ITPKB: variants seen among roughly 807,000 people sequenced by gnomAD.
ITPKB encodes inositol-trisphosphate 3-kinase B.
Under a neutral mutation model 69.4 loss-of-function variants are expected in ITPKB, and 13 were observed. The observed-to-expected ratio is 0.19, with a 90% CI of 0.12 to 0.30. The LOEUF is 0.30. ITPKB is among the 10% of genes least tolerant of loss of function. The probability of loss-of-function intolerance (pLI) is 1.00; values close to 1 mark genes in which losing one functional copy is unlikely to be tolerated. For missense variants in ITPKB, 1,240 were observed against 1,250.5 expected (o/e 0.99, Z 0.13); for synonymous variants, 584 against 513.7 (o/e 1.14, Z -1.85).
At chr1:226,655,332 G>A (rs1250380670) in intron 2 of ITPKB, among the ~76,000 whole-genome samples, 5 of 152,240 alleles carry the variant, frequency 3.3e-5, no homozygotes, top group Admixed American at 1.3e-4. Flanking sequence ...CTCATGCCCT[G>A]TGACTGCTCA....
intron 2 of ITPKB, among the ~76,000 whole-genome samples, chr1:226,655,240 T>C (rs1344724313): frequency 1.3e-5 from 2 of 152,080 alleles, no homozygotes; most frequent in Non-Finnish European, 2.9e-5. Flanking sequence ...ACATGCAAAA[T>C]GAAAATGAGG....
chr1:226,656,133 G>A (rs1230039841), intron 2 of ITPKB, among the ~76,000 whole-genome samples: 1 of 152,192 alleles, frequency 6.6e-6, no homozygotes. Flanking sequence ...CTCTTCCCAG[G>A]AAGCCTTCCA....
chr1:226,698,589 G>A (rs1318188894), intron 2 of ITPKB, among the ~76,000 whole-genome samples: 1 of 152,236 alleles, frequency 6.6e-6, no homozygotes, highest in African/African-American at 2.4e-5. Context: ...ATCAGAGGCT[G>A]GAGAAAAATG....
chr1:226,680,420 C>T (rs780176368), intron 2 of ITPKB, among the ~76,000 whole-genome samples: 3 of 152,200 alleles, frequency 2.0e-5, no homozygotes, highest in Non-Finnish European at 4.4e-5. Context: ...GCAGGAGGCA[C>T]AGAAATGTGT....
rs374357030 is a variant in ITPKB, at chr1:226,665,230, T to G, written c.1933-16459A>C. Among the ~76,000 whole-genome samples the G allele has an allele frequency of 2.0e-5, 3 of 152,314 alleles. No homozygotes were observed. The South Asian group carries it at 6.2e-4, about 32-fold the overall frequency. Reference sequence around the variant, plus strand: ...CTCTTCCCCTGTCACTGGGTCCCGCTGACACAGGTCACCTGCCCGGCCCCT... The same window carrying G: ...CTCTTCCCCTGTCACTGGGTCCCGCGGACACAGGTCACCTGCCCGGCCCCT... On this transcript the variant is annotated intron_variant, in intron 2 of 7. Coordinates refer to ENST00000429204, the MANE Select transcript of ITPKB (RefSeq NM_002221.4).
intron 2 of ITPKB, among the ~76,000 whole-genome samples, chr1:226,715,135 T>A (rs905165373): frequency 2.0e-5 from 3 of 152,246 alleles, no homozygotes; most frequent in African/African-American, 7.2e-5. Context: ...AATAAAAGCA[T>A]AATAGGTATT....
rs1033086959 is a variant in ITPKB, at chr1:226,649,016, C to G, written c.1933-245G>C. ...CTCCCCTGTCCCAAGAGCAACGACC[C>G]CTCCAAGGAAGGCTGGAGAGGACAC... On this transcript the variant is annotated intron_variant, in intron 2 of 7. Transcript: ENST00000429204. Among the ~76,000 whole-genome samples, 98 of 152,320 alleles carry G rather than the reference C, an allele frequency of 6.4e-4. 2 individuals are homozygous for G. The highest frequency in any genetic ancestry group is 4.1e-4 in the South Asian group (2 of 4,830).
chr1:226,633,277 C>T lies in ITPKB; in HGVS notation c.*1394G>A, dbSNP rs189700932. The T allele has an allele frequency of 2.0e-5, 3 of 152,386 alleles. No homozygotes were observed. Among genetic ancestry groups the T allele is most frequent in the East Asian group, 1.9e-4 (1 of 5,184 alleles). 9.4% of individuals were successfully genotyped at this position (152,386 alleles called of 1,614,324 possible). On this transcript the variant is annotated 3_prime_UTR_variant, in exon 8 of 8. Coordinates refer to ENST00000429204, the MANE Select transcript of ITPKB (RefSeq NM_002221.4). ...GCAGTGGTTCCTCCAGACACACACA[C>T]CTTGGTCCATAGTCTCCCTCTGTGT...
At chr1:226,711,442 AGTGTGTGTGT>A (rs57531406) in intron 2 of ITPKB, among the ~76,000 whole-genome samples, 27 of 102,356 alleles carry the variant, frequency 2.6e-4, no homozygotes, top group Admixed American at 5.8e-4. Flanking sequence ...AGAGAGAGAG[AGTGTGTGTGT>A]GTGTGTGTGT....
chr1:226,736,731 G>A lies in ITPKB; in HGVS notation c.728C>T (p.Pro243Leu). The change falls in exon 2 of 8, where the codon CCT becomes CTT. Residue 243 changes from proline (P) to leucine (L), a missense_variant. Around this residue, in one of 2 missense-constraint regions of ITPKB, gnomAD observed 992 missense variants for 853.8 expected, o/e 1.16. Transcript: ENST00000429204. The part of the protein sequence containing the change: ...GMPPLPGRAA[P>L]TGSEAQGPSA... ...TGGACCCTGAGCCTCTGATCCTGTA[G>A]GGGCAGCCCGGCCGGGAAGAGGTGG... 1 of 1,612,786 alleles carries A rather than the reference G, an allele frequency of 6.2e-7. No individual in the cohort carries two copies. Among genetic ancestry groups the A allele is most frequent in the African/African-American group, 1.3e-5 (1 of 75,060 alleles).
intron 2 of ITPKB, among the ~76,000 whole-genome samples, chr1:226,701,598 C>T (rs994282706): frequency 2.7e-5 from 3 of 112,534 alleles, no homozygotes; most frequent in African/African-American, 1.1e-4. Flanking sequence ...AGTGAGACTC[C>T]GTCTCAAAAA....
chr1:226,650,728 G>T (rs749870260), intron 2 of ITPKB, among the ~76,000 whole-genome samples: 1 of 152,240 alleles, frequency 6.6e-6, no homozygotes, highest in Non-Finnish European at 1.5e-5. Context: ...TGTGGGAGGA[G>T]GGGAGCCCAG....
Position 226,713,644 on chromosome 1 carries a change from G to A in ITPKB, c.1932+21883C>T, listed in dbSNP as rs574214398. ...AAAATCATCCAGAATGTTCTCAGTCGCTACTGTTGGCATCTCTTCGCTCTC... is the reference window on the plus strand; with the variant it reads ...AAAATCATCCAGAATGTTCTCAGTCACTACTGTTGGCATCTCTTCGCTCTC... On this transcript the variant is annotated intron_variant, in intron 2 of 7. Coordinates refer to ENST00000429204, the MANE Select transcript of ITPKB (RefSeq NM_002221.4). 2.6e-5 allele frequency among the ~76,000 whole-genome samples: 4 copies of A among 152,290 alleles called. 1 individual carries two copies. The highest frequency in any genetic ancestry group is 6.8e-3 in the Middle Eastern group (2 of 294).
At chr1:226,639,509 C>T in intron 6 of ITPKB, 48 bp downstream of exon 6, 6 of 1,247,042 alleles carry the variant, frequency 4.8e-6, no homozygotes, top group Non-Finnish European at 7.1e-6. Flanking sequence ...ACACAGTTGT[C>T]CCTCCCTGGC....
chr1:226,726,600 G>A (rs1329682830), intron 2 of ITPKB, among the ~76,000 whole-genome samples: 1 of 152,100 alleles, frequency 6.6e-6, no homozygotes, highest in Non-Finnish European at 1.5e-5. Flanking sequence ...CTCTTGAGCT[G>A]GAGAGATCGA....
intron 4 of ITPKB, among the ~76,000 whole-genome samples, chr1:226,643,321 G>A (rs1285272861): frequency 6.6e-6 from 1 of 152,102 alleles, no homozygotes; most frequent in Admixed American, 6.5e-5. Context: ...TCCCACCCCC[G>A]CTCCTCTGCT....
chr1:226,649,667 ATTT>A (rs1185904002), intron 2 of ITPKB, among the ~76,000 whole-genome samples: 1 of 147,302 alleles, frequency 6.8e-6, no homozygotes, highest in Non-Finnish European at 1.5e-5. Context: ...TGAGCATCTT[ATTT>A]TATTTTCTCA....
intron 2 of ITPKB, among the ~76,000 whole-genome samples, chr1:226,706,520 G>A (rs1057276585): frequency 6.6e-6 from 1 of 152,170 alleles, no homozygotes; most frequent in Non-Finnish European, 1.5e-5. Flanking sequence ...CATGGCCTGT[G>A]AAATGTGCCT....
At chr1:226,714,750 C>T (rs2102639586) in intron 2 of ITPKB, among the ~76,000 whole-genome samples, 1 of 152,354 alleles carries the variant, frequency 6.6e-6, no homozygotes, top group East Asian at 1.9e-4. Flanking sequence ...CTGCTGTCAG[C>T]AGGAATTGGG....
Sources: allele counts gnomAD v4.1 joint callset (sites outside exome capture counted in the v4.1 genomes callset), GRCh38; gene constraint gnomAD v4.1.1; regional missense constraint gnomAD v4.1.1; transcripts MANE v1.5; gene names NCBI Gene and HGNC (gene_info 2026-07-23, HGNC 2026-07-21).